The following ZBTB7C variants were observed in gnomAD, a reference collection of about 807,000 sequenced individuals.
The protein encoded by ZBTB7C is zinc finger and BTB domain containing 7C, also known as zinc finger and BTB domain-containing protein 7C.
A neutral mutation model predicts 25.7 loss-of-function variants in ZBTB7C; 8 were observed. That is an observed-to-expected ratio of 0.31 (90% confidence interval 0.18 to 0.56). The LOEUF is 0.56. Among genes scored for constraint, ZBTB7C ranks in the 20% least tolerant of loss-of-function variants. ZBTB7C has a pLI of 0.91. For missense variants in ZBTB7C, 824 were observed against 855.2 expected, an observed-to-expected ratio of 0.96 and a Z score of 0.46; for synonymous variants, 394 against 369.0, an observed-to-expected ratio of 1.07 and a Z score of -0.78.
intron 2 of ZBTB7C, among the ~76,000 whole-genome samples, chr18:48,220,436 C>T (rs1308056643): frequency 1.3e-5 from 2 of 152,124 alleles, no homozygotes; most frequent in Non-Finnish European, 2.9e-5. Flanking sequence ...AGTAAGGCTG[C>T]CTCTAGGGAA....
At chr18:48,122,962 G>C (rs1411465077) in intron 3 of ZBTB7C, among the ~76,000 whole-genome samples, 1 of 152,188 alleles carries the variant, frequency 6.6e-6, no homozygotes, top group Non-Finnish European at 1.5e-5. Context: ...CTTGGACTCT[G>C]ACTCCTTGCA....
rs542680686 is a variant in ZBTB7C, at chr18:48,313,405, T to C, written c.-79+24769A>G. ...TTAGATCACCTTGGTGCTTAGGCCC[T>C]GTCCAGACAAATTAGATCCGAATTG... On this transcript the variant is annotated intron_variant, in intron 2 of 4. Transcript: ENST00000590800. 2.0e-5 allele frequency among the ~76,000 whole-genome samples: 3 copies of C among 152,332 alleles called. No individual in the cohort carries two copies. The East Asian group carries it at 5.8e-4, about 29-fold the overall frequency.
At position 48,040,589 on chromosome 18, in the gene ZBTB7C, G is replaced by A. The variant is rs767096654; in HGVS notation, c.519C>T (p.Asp173=). 1.2e-6 allele frequency: 2 copies of A among 1,613,850 alleles called. No homozygotes were observed. Among genetic ancestry groups the A allele is most frequent in the Middle Eastern group, 1.7e-4 (1 of 6,058 alleles). The change falls in exon 4 of 5, where the codon GAC becomes GAT. Residue 173 remains aspartate (D), a synonymous_variant. Transcript: ENST00000590800. ...CCTGGGGGTCAGGCAAGTTTTCTTGGTCAGCAAAGTCCTCCGTGTCATCAT... is the reference window on the plus strand; with the variant it reads ...CCTGGGGGTCAGGCAAGTTTTCTTGATCAGCAAAGTCCTCCGTGTCATCAT... The part of the protein sequence containing the change: ...DDDDDTEDFA[D]QENLPDPQDI...
intron 3 of ZBTB7C, among the ~76,000 whole-genome samples, chr18:48,168,463 A>G (rs866271613): frequency 6.6e-6 from 1 of 152,252 alleles, no homozygotes; most frequent in Non-Finnish European, 1.5e-5. Context: ...TATTTGCATT[A>G]TAAGTTACAG....
At chr18:48,352,366 G>C (rs2046884577) in intron 1 of ZBTB7C, among the ~76,000 whole-genome samples, 1 of 152,234 alleles carries the variant, frequency 6.6e-6, no homozygotes, top group African/African-American at 2.4e-5. Flanking sequence ...CTAACCACTG[G>C]GCCAGGCCCT....
chr18:48,145,851 A>C (rs1227554731), intron 3 of ZBTB7C, among the ~76,000 whole-genome samples: 8 of 152,244 alleles, frequency 5.3e-5, no homozygotes, highest in Non-Finnish European at 7.3e-5. Context: ...TGCTATTCAA[A>C]TTGGCTTAAA....
At chr18:48,370,905 T>C (rs1401024476) in intron 1 of ZBTB7C, among the ~76,000 whole-genome samples, 1 of 152,162 alleles carries the variant, frequency 6.6e-6, no homozygotes, top group African/African-American at 2.4e-5. Context: ...ACAGTGTGAT[T>C]CTTTCCATGG....
intron 2 of ZBTB7C, among the ~76,000 whole-genome samples, chr18:48,323,828 T>A (rs1172769298): frequency 6.6e-6 from 1 of 152,054 alleles, no homozygotes; most frequent in African/African-American, 2.4e-5. Context: ...TGTAAATAAA[T>A]GAGACATTTA....
intron 3 of ZBTB7C, among the ~76,000 whole-genome samples, chr18:48,156,037 C>T (rs78846154): frequency 0.02 from 3,117 of 152,256 alleles, 114 homozygotes; most frequent in African/African-American, 0.071. Flanking sequence ...CACAAGAGAC[C>T]TTATGAAATG....
intron 4 of ZBTB7C, among the ~76,000 whole-genome samples, chr18:48,034,557 G>C (rs2035892998): frequency 6.6e-6 from 1 of 152,052 alleles, no homozygotes; most frequent in South Asian, 2.1e-4. Context: ...ACGTGGCATG[G>C]AGTTCTGGTA....
intron 2 of ZBTB7C, among the ~76,000 whole-genome samples, chr18:48,309,066 C>T (rs1178068329): frequency 6.6e-6 from 1 of 152,182 alleles, no homozygotes; most frequent in African/African-American, 2.4e-5. Flanking sequence ...AATTAGAAGA[C>T]CCCTCTCAGG....
rs528444626 is a variant in ZBTB7C, at chr18:48,076,698, G to A, written c.-16-35575C>T. Among the ~76,000 whole-genome samples the A allele has an allele frequency of 4.6e-5, 7 of 152,264 alleles. No homozygotes were observed. In the East Asian group the frequency reaches 1.4e-3, roughly 29 times the overall value. ...GCTTGGCAGGAGCCTAGTTCAAGTT[G>A]CTGATGGGCTTTGTCCTCTTGACCC... On this transcript the variant is annotated intron_variant, in intron 3 of 4. Coordinates refer to ENST00000590800, the MANE Select transcript of ZBTB7C (RefSeq NM_001318841.2).
intron 2 of ZBTB7C, among the ~76,000 whole-genome samples, chr18:48,186,272 A>G (rs2042052061): frequency 6.6e-6 from 1 of 152,114 alleles, no homozygotes; most frequent in Non-Finnish European, 1.5e-5. Context: ...CAATTCCCTG[A>G]AGGCGCCCTG....
intron 1 of ZBTB7C, among the ~76,000 whole-genome samples, chr18:48,362,793 C>T (rs1010898861): frequency 5.3e-5 from 8 of 152,132 alleles, no homozygotes; most frequent in Non-Finnish European, 1.2e-4. Context: ...ACAGGAGTTC[C>T]TTACCTCCTA....
chr18:48,196,424 A>G (rs950870312), intron 2 of ZBTB7C, among the ~76,000 whole-genome samples: 3 of 152,172 alleles, frequency 2.0e-5, no homozygotes, highest in Non-Finnish European at 2.9e-5. Context: ...GGTGACAGGA[A>G]CTTCTTACAG....
chr18:48,080,481 G>A (rs1273662702), intron 3 of ZBTB7C, among the ~76,000 whole-genome samples: 1 of 152,194 alleles, frequency 6.6e-6, no homozygotes, highest in Non-Finnish European at 1.5e-5. Flanking sequence ...ATGACAGAAG[G>A]AGCAGGCACC....
intron 2 of ZBTB7C, among the ~76,000 whole-genome samples, chr18:48,221,694 G>C (rs994082014): frequency 1.4e-5 from 2 of 143,044 alleles, no homozygotes; most frequent in African/African-American, 5.3e-5. Flanking sequence ...CACTGTTCCA[G>C]TCTCCCTATA....
intron 2 of ZBTB7C, among the ~76,000 whole-genome samples, chr18:48,202,853 C>T (rs1030770245): frequency 2.6e-5 from 4 of 151,750 alleles, no homozygotes; most frequent in African/African-American, 9.7e-5. Flanking sequence ...CAGCTGTAAC[C>T]CACAACCCTG....
At chr18:48,128,661 G>T (rs541123537) in intron 3 of ZBTB7C, among the ~76,000 whole-genome samples, 1 of 152,126 alleles carries the variant, frequency 6.6e-6, no homozygotes, top group African/African-American at 2.4e-5. Context: ...CGATGGGTAC[G>T]CAAAGGCATA....
Sources: gnomAD v4.1 joint callset for allele counts (sites outside exome capture counted in the v4.1 genomes callset) on GRCh38, gnomAD v4.1.1 for gene constraint, MANE v1.5 for transcripts, NCBI Gene and HGNC (gene_info 2026-07-23, HGNC 2026-07-21) for gene names.